CEP170: variants seen among roughly 807,000 people sequenced by gnomAD.
The protein encoded by CEP170 is centrosomal protein 170.
A neutral mutation model predicts 151.9 loss-of-function variants in CEP170; 21 were observed. That is an observed-to-expected ratio of 0.14 (90% CI 0.10 to 0.20). CEP170 has a LOEUF of 0.20. Ranked by LOEUF, CEP170 falls within the 10% of genes least tolerant of loss-of-function variation. CEP170 has a pLI of 1.00. For missense variants in CEP170, 964 were observed against 1,892.9 expected, an observed-to-expected ratio of 0.51 and a Z score of 9.11; for synonymous variants, 356 against 648.8, an observed-to-expected ratio of 0.55 and a Z score of 6.86.
At chr1:243,238,327 C>T (rs191049739) in intron 1 of CEP170, among the ~76,000 whole-genome samples, 32 of 152,154 alleles carry the variant, frequency 2.1e-4, no homozygotes, top group African/African-American at 5.8e-4. Flanking sequence ...GGTGTGGTGA[C>T]GTGCACCTGT....
chr1:243,195,447 T>G (rs896103234), intron 7 of CEP170, among the ~76,000 whole-genome samples: 5 of 152,012 alleles, frequency 3.3e-5, no homozygotes, highest in Admixed American at 6.6e-5. Flanking sequence ...AAGTATTTGC[T>G]TAAACCAGGG....
Position 243,211,666 on chromosome 1 carries a change from A to G in CEP170, c.274+220T>C, listed in dbSNP as rs1572334371. ...GCTGAAACTACATAAATAGAGAGAG[A>G]GAGGGAAAAAAAAAGCTGAGTCCAC... is the stretch of plus-strand genomic sequence containing the variant. On this transcript the variant is annotated intron_variant, in intron 4 of 19. Coordinates refer to ENST00000366542, the MANE Select transcript of CEP170 (RefSeq NM_014812.3). 1.2e-5 allele frequency: 6 copies of G among 483,084 alleles called. No individual in the cohort carries two copies. The East Asian group carries it at 2.3e-4, about 19-fold the overall frequency. The allele number at this position is 483,084 out of a possible 1,614,324, so 29.9% of individuals were successfully genotyped here.
intron 19 of CEP170, 144 bp from the exon 20 acceptor site, chr1:243,126,882 T>C (rs2053754366): frequency 2.4e-6 from 2 of 824,884 alleles, no homozygotes; most frequent in Non-Finnish European, 3.7e-6. Context: ...TAAAACTCCA[T>C]TCTTAGTTAT....
chr1:243,128,527 T>C (rs902907687), intron 18 of CEP170: 37 of 478,938 alleles, frequency 7.7e-5, no homozygotes, highest in East Asian at 4.0e-4. Flanking sequence ...AGTGAGATGA[T>C]TGTAGCAGAT....
chr1:243,170,656 T>C (rs2058772439), intron 11 of CEP170, among the ~76,000 whole-genome samples: 1 of 152,180 alleles, frequency 6.6e-6, no homozygotes, highest in African/African-American at 2.4e-5. Context: ...TAGCCGGGCG[T>C]GGTGGCATGC....
intron 7 of CEP170, among the ~76,000 whole-genome samples, chr1:243,198,136 G>A (rs1334056237): frequency 6.6e-6 from 1 of 152,054 alleles, no homozygotes; most frequent in Non-Finnish European, 1.5e-5. Flanking sequence ...CTTCCATACT[G>A]AGCCCAGGTG....
At chr1:243,127,497 C>T (rs2053843253) in intron 19 of CEP170, among the ~76,000 whole-genome samples, 1 of 152,092 alleles carries the variant, frequency 6.6e-6, no homozygotes, top group Non-Finnish European at 1.5e-5. Context: ...TAAAAGTATA[C>T]CCCCAGTCTA....
chr1:243,179,186 T>C (rs1026299266), intron 10 of CEP170, among the ~76,000 whole-genome samples: 1 of 152,208 alleles, frequency 6.6e-6, no homozygotes, highest in Non-Finnish European at 1.5e-5. Flanking sequence ...GCTCTTTCTT[T>C]CATATCTTCA....
At chr1:243,236,488 C>A (rs2064266018) in intron 1 of CEP170, among the ~76,000 whole-genome samples, 1 of 152,142 alleles carries the variant, frequency 6.6e-6, no homozygotes, top group African/African-American at 2.4e-5. Flanking sequence ...GTTTGGCCAC[C>A]AGCAGGCTCC....
intron 14 of CEP170, among the ~76,000 whole-genome samples, chr1:243,145,897 G>A (rs2056427809): frequency 6.6e-6 from 1 of 152,126 alleles, no homozygotes; most frequent in Admixed American, 6.5e-5. Flanking sequence ...AGACATTTAA[G>A]GGTCATTCCA....
intron 17 of CEP170, among the ~76,000 whole-genome samples, chr1:243,130,454 A>G (rs972464083): frequency 1.3e-5 from 2 of 152,142 alleles, no homozygotes; most frequent in African/African-American, 4.8e-5. Context: ...CAAATAACTT[A>G]TAAAATAAAG....
intron 1 of CEP170, among the ~76,000 whole-genome samples, chr1:243,229,070 C>G (rs1446311344): frequency 6.6e-6 from 1 of 152,094 alleles, no homozygotes; most frequent in African/African-American, 2.4e-5. Context: ...CCGACTGGTC[C>G]CTCAGTATTA....
chr1:243,154,124 A>C (rs2057353621), intron 14 of CEP170, among the ~76,000 whole-genome samples: 1 of 152,252 alleles, frequency 6.6e-6, no homozygotes, highest in South Asian at 2.1e-4. Context: ...AATGCAGGTA[A>C]ACAGTTACTA....
chr1:243,231,183 TCA>T (rs1398519846), intron 1 of CEP170, among the ~76,000 whole-genome samples: 109 of 130,362 alleles, frequency 8.4e-4, no homozygotes, highest in African/African-American at 2.3e-3. Context: ...ATCATCATCA[TCA>T]TCATCATTAT....
intron 1 of CEP170, among the ~76,000 whole-genome samples, chr1:243,235,057 C>T (rs1168608555): frequency 6.6e-6 from 1 of 151,968 alleles, no homozygotes; most frequent in African/African-American, 2.4e-5. Flanking sequence ...AAAATAAAAC[C>T]CAGTTTGTTT....
At chr1:243,156,525 G>A in intron 13 of CEP170, 70 bp from the exon 14 acceptor site, 1 of 1,424,462 alleles carries the variant, frequency 7.0e-7, no homozygotes, top group African/African-American at 1.4e-5. Flanking sequence ...TAAAAGTCAT[G>A]ACTTCAAAAC....
intron 1 of CEP170, among the ~76,000 whole-genome samples, chr1:243,233,741 A>AAAAAATAT (rs1367723157): frequency 6.4e-5 from 9 of 140,430 alleles, no homozygotes; most frequent in African/African-American, 2.4e-4. Context: ...TCAAAAAAAA[A>AAAAAATAT]ATATATATAT....
chr1:243,220,615 T>C (rs1013957449), intron 3 of CEP170, among the ~76,000 whole-genome samples: 1 of 152,236 alleles, frequency 6.6e-6, no homozygotes, highest in Non-Finnish European at 1.5e-5. Flanking sequence ...ATGTTTGATG[T>C]ACATTTGAAA....
Position 243,165,994 on chromosome 1 carries a change from C to G in CEP170, c.1966G>C (p.Glu656Gln), listed in dbSNP as rs570683600. 1 of 1,613,396 alleles carries G rather than the reference C, an allele frequency of 6.2e-7. No homozygotes were observed. Among genetic ancestry groups the G allele is most frequent in the South Asian group, 1.1e-5 (1 of 91,042 alleles). The change falls in exon 13 of 20, where the codon GAG (glutamate) becomes CAG (glutamine). Residue 656 changes from glutamate (E) to glutamine (Q), a missense_variant. Glu to Gln is a conservative substitution (Grantham distance 29). Coordinates refer to ENST00000366542, the MANE Select transcript of CEP170 (RefSeq NM_014812.3). ...PQLPNEEKSL[E>Q]SHRAKVVTQR... The stretch of plus-strand genomic sequence containing the variant: ...GTTACAACCTTTGCTCTGTGGCTCT[C>G]AAGAGACTTTTCTTCATTTGGAAGC...
Sources: allele counts gnomAD v4.1 joint callset (sites outside exome capture counted in the v4.1 genomes callset), GRCh38; gene constraint gnomAD v4.1.1; transcripts MANE v1.5; gene names NCBI Gene and HGNC (gene_info 2026-07-23, HGNC 2026-07-21).